The following UTRN variants were observed in gnomAD, a reference collection of about 807,000 sequenced individuals.
The protein encoded by UTRN is utrophin.
UTRN carries 283 observed loss-of-function variants against 463.9 expected under a neutral mutation model. The ratio of observed to expected loss-of-function variants is 0.61; its 90% confidence interval spans 0.55 to 0.67. The LOEUF (loss-of-function observed/expected upper bound fraction) is 0.67. UTRN is among the 30% of genes least tolerant of loss of function. The pLI, the probability that UTRN is intolerant of heterozygous loss-of-function variation, is 0.00. For missense variants in UTRN, 3,922 were observed against 4,084.3 expected, an observed-to-expected ratio of 0.96 and a Z score of 1.08; for synonymous variants, 1,442 against 1,431.5, an observed-to-expected ratio of 1.01 and a Z score of -0.17.
chr6:144,386,415 T>C (rs945613169), intron 2 of UTRN, among the ~76,000 whole-genome samples: 3 of 152,136 alleles, frequency 2.0e-5, no homozygotes, highest in African/African-American at 7.2e-5. Flanking sequence ...GCCGTGATCA[T>C]ACTACTGCAC....
chr6:144,843,195 T>C (rs1781742368), intron 73 of UTRN, among the ~76,000 whole-genome samples: 1 of 152,132 alleles, frequency 6.6e-6, no homozygotes, highest in African/African-American at 2.4e-5. Context: ...TTAGAAGTTT[T>C]TATTTAAATA....
At chr6:144,820,826 GA>G (rs1240426578) in intron 65 of UTRN, 55 bp from the exon 66 acceptor site, 4 of 1,562,022 alleles carry the variant, frequency 2.6e-6, no homozygotes, top group Non-Finnish European at 3.5e-6. Context: ...TTTTGTTATA[GA>G]TAGTTATTGC....
intron 58 of UTRN, among the ~76,000 whole-genome samples, chr6:144,759,070 G>A (rs529580836): frequency 5.1e-4 from 78 of 152,204 alleles, no homozygotes; most frequent in African/African-American, 1.3e-3. Flanking sequence ...AGTCTGAGAT[G>A]TAAGCTCAGG....
At chr6:144,648,037 C>G (rs559665302) in intron 51 of UTRN, among the ~76,000 whole-genome samples, 4 of 152,310 alleles carry the variant, frequency 2.6e-5, no homozygotes, top group East Asian at 1.9e-4. Flanking sequence ...TAACACAACT[C>G]TACACAGTTT....
At chr6:144,732,789 T>A (rs373771783) in intron 54 of UTRN, among the ~76,000 whole-genome samples, 1 of 152,052 alleles carries the variant, frequency 6.6e-6, no homozygotes, top group African/African-American at 2.4e-5. Context: ...CACGGCCCAC[T>A]GCACATCAAC....
At chr6:144,299,195 G>C (rs966006427) in intron 2 of UTRN, among the ~76,000 whole-genome samples, 1 of 152,176 alleles carries the variant, frequency 6.6e-6, no homozygotes, top group African/African-American at 2.4e-5. Context: ...CCACCCTTCT[G>C]GGTCCAGACT....
intron 41 of UTRN, 108 bp from the exon 42 acceptor site, chr6:144,530,944 T>C: frequency 7.9e-7 from 1 of 1,258,430 alleles, no homozygotes; most frequent in Non-Finnish European, 1.1e-6. Context: ...ATTCAGTTGT[T>C]TGAGGTCTTT....
chr6:144,660,232 G>T (rs1305364192), intron 51 of UTRN: 1 of 471,066 alleles, frequency 2.1e-6, no homozygotes, highest in African/African-American at 2.0e-5. Flanking sequence ...ACAATGATTG[G>T]TCTGAACTTC....
At position 144,797,855 on chromosome 6, in the gene UTRN, A is replaced by G. The variant is rs774077220; in HGVS notation, c.9110A>G (p.Glu3037Gly). The G allele has an allele frequency of 1.9e-6, 3 of 1,614,038 alleles. No homozygotes were observed. The highest frequency in any genetic ancestry group is 1.7e-5 in the Admixed American group (1 of 59,994). Residue 3037 changes from glutamate to glycine, a missense_variant, in exon 64 of 75, where the codon GAG (glutamate) becomes GGG (glycine). Glu to Gly is a moderately conservative substitution (Grantham distance 98, BLOSUM62 -2). This residue lies in a region of UTRN where 1,309 missense variants were observed against 1,452.6 expected (regional missense o/e 0.90). Coordinates refer to ENST00000367545, the MANE Select transcript of UTRN (RefSeq NM_007124.3). ...NNNKPEISVK[E>G]FIDWMHLEPQ... is the part of the protein sequence containing the mutation. ...AATAAACCAGAAATAAGTGTGAAAG[A>G]GTTTATAGATTGGATGCATTTGGAA...
chr6:144,477,429 GAA>G (rs1791333650), intron 25 of UTRN, among the ~76,000 whole-genome samples: 1 of 151,902 alleles, frequency 6.6e-6, no homozygotes, highest in Admixed American at 6.6e-5. Context: ...CAAATGTAAA[GAA>G]AAGTTAAAGA....
At position 144,437,572 on chromosome 6, in the gene UTRN, T is replaced by C. The variant is rs139995975; in HGVS notation, c.1067T>C (p.Met356Thr). The part of the protein sequence containing the change: ...KDQFATHEAF[M>T]MELTAHQSSV... ...AACAATGTCCCTTTCTAGGCTTTTA[T>C]GATGGAACTGACTGCACACCAGAGC... is the stretch of plus-strand genomic sequence containing the variant. Residue 356 changes from methionine to threonine, a missense_variant, in exon 11 of 75, where the codon ATG (methionine) becomes ACG (threonine). Met to Thr is a moderately conservative substitution (Grantham distance 81). Transcript: ENST00000367545. The C allele has an allele frequency of 2.6e-5, 42 of 1,606,278 alleles. No individual in the cohort carries two copies. The highest frequency in any genetic ancestry group is 3.3e-5 in the Non-Finnish European group (39 of 1,177,634).
chr6:144,497,698 T>A (rs1480651209), intron 33 of UTRN, among the ~76,000 whole-genome samples: 1 of 147,786 alleles, frequency 6.8e-6, no homozygotes, highest in African/African-American at 2.5e-5. Context: ...AAAAAAAAGG[T>A]AGAAGCATGC....
intron 73 of UTRN, among the ~76,000 whole-genome samples, chr6:144,845,275 TTTTA>T (rs1781921260): frequency 6.6e-6 from 1 of 152,368 alleles, no homozygotes; most frequent in South Asian, 2.1e-4. Context: ...CAGTAACTAT[TTTTA>T]TTTTTTGGTA....
intron 51 of UTRN, among the ~76,000 whole-genome samples, chr6:144,662,440 A>G (rs957248835): frequency 3.3e-5 from 5 of 152,228 alleles, no homozygotes; most frequent in Admixed American, 6.5e-5. Flanking sequence ...AGTAACAGCC[A>G]TTCTACACGC....
chr6:144,815,488 C>T (rs573327357), intron 65 of UTRN, among the ~76,000 whole-genome samples: 3 of 152,172 alleles, frequency 2.0e-5, no homozygotes, highest in African/African-American at 7.2e-5. Flanking sequence ...AGTACCCAAA[C>T]CTCAAAAGTA....
At chr6:144,302,633 C>A (rs535363107) in intron 2 of UTRN, among the ~76,000 whole-genome samples, 13 of 152,294 alleles carry the variant, frequency 8.5e-5, no homozygotes, top group Non-Finnish European at 1.8e-4. Context: ...CAGAGATAAG[C>A]AAGACCCACC....
intron 66 of UTRN, among the ~76,000 whole-genome samples, chr6:144,825,062 G>A (rs1780058967): frequency 6.6e-6 from 1 of 151,934 alleles, no homozygotes; most frequent in East Asian, 1.9e-4. Flanking sequence ...GAGATTATAG[G>A]TATAAGCCAC....
chr6:144,532,728 C>T (rs186873999), intron 42 of UTRN, among the ~76,000 whole-genome samples: 2 of 152,284 alleles, frequency 1.3e-5, no homozygotes, highest in Non-Finnish European at 2.9e-5. Context: ...TAAAGCAATG[C>T]CTTCAAGCAC....
At chr6:144,671,361 G>GTTGAGTCTTTAGGGTTTT (rs1781007297) in intron 51 of UTRN, among the ~76,000 whole-genome samples, 2 of 151,830 alleles carry the variant, frequency 1.3e-5, no homozygotes, top group African/African-American at 4.8e-5. Context: ...TACCTCCTTG[G>GTTGAGTCTTTAGGGTTTT]TTAGGTATAA....
Sources: allele counts gnomAD v4.1 joint callset (sites outside exome capture counted in the v4.1 genomes callset), GRCh38; gene constraint gnomAD v4.1.1; regional missense constraint gnomAD v4.1.1; transcripts MANE v1.5; gene names NCBI Gene and HGNC (gene_info 2026-07-23, HGNC 2026-07-21).